TMEM164: variants seen among roughly 807,000 people sequenced by gnomAD.
The protein encoded by TMEM164 is transmembrane protein 164.
In TMEM164, 4 loss-of-function variants were observed where a neutral mutation model predicts 18.8. The observed-to-expected ratio is 0.21, with a 90% CI of 0.10 to 0.49. TMEM164 has a LOEUF of 0.49. Among genes scored for constraint, TMEM164 ranks in the 20% least tolerant of loss-of-function variants. The pLI, the probability that TMEM164 is intolerant of heterozygous loss-of-function variation, is 0.98. For synonymous variants in TMEM164, 86 were observed against 101.7 expected (o/e 0.85, Z 0.93); for missense variants, 108 against 239.9 (o/e 0.45, Z 3.63).
intron 2 of TMEM164, among the ~76,000 whole-genome samples, chrX:110,014,744 C>CTTTTTTTTTTTTTTTTTTTTTTTTTTTT (rs142705177): frequency 9.2e-5 from 5 of 54,236 alleles, no homozygotes; most frequent in African/African-American, 3.0e-4. Flanking sequence ...TTGGTTGTTT[C>CTTTTTTTTTTTTTTTTTTTTTTTTTTTT]TTTTTTTTTT....
At chrX:110,076,651 A>G (rs2065675425) in intron 3 of TMEM164, among the ~76,000 whole-genome samples, 1 of 111,277 alleles carries the variant, frequency 9.0e-6, no homozygotes, top group Non-Finnish European at 1.9e-5. Context: ...CATCCTATAG[A>G]TTTTCATATG....
At chrX:110,145,686 A>C (rs1053539252) in intron 5 of TMEM164, among the ~76,000 whole-genome samples, 2 of 111,952 alleles carry the variant, frequency 1.8e-5, no homozygotes, top group Non-Finnish European at 3.8e-5. Context: ...CAAGGGTTTC[A>C]TTTCTACCAT....
At chrX:110,066,707 G>C (rs968123560) in intron 2 of TMEM164, among the ~76,000 whole-genome samples, 1 of 111,826 alleles carries the variant, frequency 8.9e-6, no homozygotes, top group African/African-American at 3.3e-5. Flanking sequence ...AGGTATCAGG[G>C]AACTGATTTG....
chrX:110,069,570 CTT>C (rs72102436), intron 3 of TMEM164, among the ~76,000 whole-genome samples: 474 of 91,424 alleles, frequency 5.2e-3, no homozygotes, highest in African/African-American at 0.014. Context: ...TTTATATTGA[CTT>C]TTTTTTTTTT....
chrX:110,054,505 G>T (rs971650332), intron 2 of TMEM164, among the ~76,000 whole-genome samples: 4 of 112,229 alleles, frequency 3.6e-5, no homozygotes, highest in African/African-American at 1.3e-4. Flanking sequence ...GAACTGGAGT[G>T]GGGAACAAAA....
At chrX:110,107,226 T>C (rs1285120560) in intron 3 of TMEM164, among the ~76,000 whole-genome samples, 1 of 111,889 alleles carries the variant, frequency 8.9e-6, no homozygotes, top group Admixed American at 9.5e-5. Context: ...AAGAGAGATA[T>C]AAGAGTTTGG....
At chrX:110,031,863 T>TTTA (rs748162064) in intron 2 of TMEM164, among the ~76,000 whole-genome samples, 2,028 of 108,683 alleles carry the variant, frequency 0.019, 58 homozygotes, top group African/African-American at 0.065. Flanking sequence ...TTTTTTTCTT[T>TTTA]TTATTATTAT....
intron 5 of TMEM164, 25 bp from the exon 6 acceptor site, chrX:110,171,395 C>T: frequency 8.9e-7 from 1 of 1,125,595 alleles, no homozygotes; most frequent in Non-Finnish European, 1.2e-6. Flanking sequence ...TTCCTGCCAT[C>T]TCACCATCTC....
intron 4 of TMEM164, among the ~76,000 whole-genome samples, chrX:110,127,376 G>T (rs1239587751): frequency 9.0e-6 from 1 of 111,418 alleles, no homozygotes; most frequent in East Asian, 2.8e-4. Context: ...AGCCGAGTAT[G>T]GTGGCTCATG....
At chrX:110,003,005 G>C (rs1192214370), upstream of TMEM164, 1 of 111,131 alleles carries the variant, frequency 9.0e-6, no homozygotes, top group African/African-American at 3.3e-5. Flanking sequence ...GCTGCCCGGA[G>C]GGCGGGCGTC....
At chrX:110,087,167 T>C (rs1328181169) in intron 3 of TMEM164, among the ~76,000 whole-genome samples, 1 of 111,966 alleles carries the variant, frequency 8.9e-6, no homozygotes, top group East Asian at 2.8e-4. Context: ...TAGAAGATCC[T>C]AGCATTTTAG....
At chrX:110,163,019 G>A (rs953706450) in intron 5 of TMEM164, among the ~76,000 whole-genome samples, 1 of 112,249 alleles carries the variant, frequency 8.9e-6, no homozygotes, top group Admixed American at 9.4e-5. Context: ...CCCTGACTTC[G>A]TTTATTGCAA....
intron 2 of TMEM164, among the ~76,000 whole-genome samples, chrX:110,032,610 A>G (rs1197895149): frequency 1.8e-5 from 2 of 112,390 alleles, no homozygotes; most frequent in Non-Finnish European, 3.8e-5. Flanking sequence ...GAATTGAAGC[A>G]TATAAGCTTC....
rs1465307653 is a variant in TMEM164, at chrX:110,083,396, G to A, written c.440+16000G>A. Among the ~76,000 whole-genome samples the A allele has an allele frequency of 6.3e-5, 7 of 111,076 alleles. No homozygotes were observed. The East Asian group carries it at 1.4e-3, about 22-fold the overall frequency. On this transcript the variant is annotated intron_variant, in intron 3 of 6. Transcript: ENST00000372068. ...CTATATGCTAGGATTTTTTCAGCTT[G>A]TATTATTCATTGATCTCTCTCTTGG...
intron 4 of TMEM164, among the ~76,000 whole-genome samples, chrX:110,120,316 T>C (rs1311133910): frequency 2.7e-5 from 3 of 112,005 alleles, no homozygotes; most frequent in African/African-American, 9.7e-5. Context: ...CTTGAGCCAC[T>C]ACTTCAAGCA....
At chrX:110,020,448 AAGG>A in intron 2 of TMEM164, 1 of 753,804 alleles carries the variant, frequency 1.3e-6, no homozygotes, top group South Asian at 6.7e-5. Context: ...CGAGAAGATA[AAGG>A]AGGAGAAGAG....
At chrX:110,145,014 C>T (rs1381919730) in intron 5 of TMEM164, 138 bp downstream of exon 5, 6 of 458,166 alleles carry the variant, frequency 1.3e-5, no homozygotes, top group African/African-American at 7.3e-5. Flanking sequence ...TAATTTATGC[C>T]GGGCACCAGG....
chrX:110,090,177 A>G (rs899224689), intron 3 of TMEM164, among the ~76,000 whole-genome samples: 8 of 111,431 alleles, frequency 7.2e-5, no homozygotes, highest in African/African-American at 2.6e-4. Flanking sequence ...GGTTCAGAAC[A>G]AGGAAGTGGG....
chrX:110,022,288 G>A (rs1264617644), intron 2 of TMEM164, among the ~76,000 whole-genome samples: 2 of 110,989 alleles, frequency 1.8e-5, no homozygotes, highest in Non-Finnish European at 3.8e-5. Flanking sequence ...TGGACTGCTT[G>A]TAAAGTGTTG....
Sources: allele counts gnomAD v4.1 joint callset (sites outside exome capture counted in the v4.1 genomes callset), GRCh38; gene constraint gnomAD v4.1.1; transcripts MANE v1.5; gene names NCBI Gene and HGNC (gene_info 2026-07-23, HGNC 2026-07-21).